Variants in EEPD1 observed in about 807,000 individuals in gnomAD.
EEPD1 encodes the protein endonuclease/exonuclease/phosphatase family domain containing 1.
Under a neutral mutation model 46.3 loss-of-function variants are expected in EEPD1, and 17 were observed. That is an observed-to-expected ratio of 0.37 (90% confidence interval 0.25 to 0.55). The LOEUF (loss-of-function observed/expected upper bound fraction) is 0.55, where lower values mean the gene tolerates loss of function less well. Ranked by LOEUF, EEPD1 falls within the 20% of genes least tolerant of loss-of-function variation. The pLI, the probability that EEPD1 is intolerant of heterozygous loss-of-function variation, is 0.83. For synonymous variants in EEPD1, 313 were observed against 315.6 expected (o/e 0.99, Z 0.09); for missense variants, 673 against 745.6 (o/e 0.90, Z 1.13).
intron 2 of EEPD1, among the ~76,000 whole-genome samples, chr7:36,201,976 C>A (rs896003289): frequency 6.6e-6 from 1 of 152,234 alleles, no homozygotes; most frequent in Non-Finnish European, 1.5e-5. Flanking sequence ...GGACCAGCAG[C>A]ATCAGCATCA....
chr7:36,194,575 G>A (rs774401293), intron 2 of EEPD1, among the ~76,000 whole-genome samples: 30 of 152,030 alleles, frequency 2.0e-4, no homozygotes, highest in Non-Finnish European at 2.5e-4. Flanking sequence ...AATCCCCCTA[G>A]AACTTGTGAA....
chr7:36,224,997 G>A (rs910078521), intron 2 of EEPD1, among the ~76,000 whole-genome samples: 1 of 151,998 alleles, frequency 6.6e-6, no homozygotes, highest in Non-Finnish European at 1.5e-5. Context: ...TGACCATGGC[G>A]ACAGACTGGA....
intron 2 of EEPD1, among the ~76,000 whole-genome samples, chr7:36,155,893 C>T (rs1355840891): frequency 6.6e-6 from 1 of 152,202 alleles, no homozygotes; most frequent in Non-Finnish European, 1.5e-5. Flanking sequence ...GCCGTTACCA[C>T]AGAGCGTTTA....
intron 2 of EEPD1, among the ~76,000 whole-genome samples, chr7:36,222,346 C>T (rs1027025776): frequency 1.3e-5 from 2 of 152,124 alleles, no homozygotes; most frequent in African/African-American, 4.8e-5. Flanking sequence ...TCATAAAGGT[C>T]TTCATCTTTA....
chr7:36,210,977 A>C (rs1861313), intron 2 of EEPD1, among the ~76,000 whole-genome samples: 1 of 152,312 alleles, frequency 6.6e-6, no homozygotes, highest in African/African-American at 2.4e-5. Flanking sequence ...CTGTGTGCCC[A>C]TCTAGGCATC....
At chr7:36,161,897 CAAAAAA>C (rs10570788) in intron 2 of EEPD1, among the ~76,000 whole-genome samples, 1 of 127,126 alleles carries the variant, frequency 7.9e-6, no homozygotes, top group African/African-American at 2.8e-5. Context: ...CTGTCTCTCT[CAAAAAA>C]AAAAAAAAAA....
chr7:36,256,915 T>C (rs196555), intron 3 of EEPD1, among the ~76,000 whole-genome samples: 131,436 of 152,170 alleles, frequency 0.86, 56,913 homozygotes, highest in Middle Eastern at 0.91. Flanking sequence ...TTCTTCATGT[T>C]GATGGTCTTT....
At chr7:36,255,863 G>C (rs1203090307) in intron 3 of EEPD1, among the ~76,000 whole-genome samples, 1 of 151,828 alleles carries the variant, frequency 6.6e-6, no homozygotes, top group East Asian at 1.9e-4. Flanking sequence ...CTTGTCTTCT[G>C]CTAGCTTTTG....
At chr7:36,155,358 A>G (rs1454542737) in intron 2 of EEPD1, among the ~76,000 whole-genome samples, 156 bp downstream of exon 2, 4 of 152,180 alleles carry the variant, frequency 2.6e-5, no homozygotes, top group Admixed American at 2.6e-4. Flanking sequence ...TCACCTGAGA[A>G]TGGGCTGTCC....
At chr7:36,205,593 G>A (rs6462664) in intron 2 of EEPD1, among the ~76,000 whole-genome samples, 91,456 of 152,090 alleles carry the variant, frequency 0.6, 28,072 homozygotes, top group East Asian at 0.87. Flanking sequence ...GCTGCATCTG[G>A]AGGGGTAAAA....
chr7:36,247,122 CA>C (rs35947069), intron 3 of EEPD1, among the ~76,000 whole-genome samples: 75,981 of 106,958 alleles, frequency 0.71, 24,568 homozygotes, highest in Middle Eastern at 0.79. Context: ...GACTCCATCT[CA>C]AAAAAAAAAA....
chr7:36,183,317 C>G (rs192282113), intron 2 of EEPD1, among the ~76,000 whole-genome samples: 1 of 152,200 alleles, frequency 6.6e-6, no homozygotes, highest in Non-Finnish European at 1.5e-5. Context: ...AATAAGGACC[C>G]GGTCAGTCTG....
At chr7:36,256,390 C>T (rs1168616320) in intron 3 of EEPD1, among the ~76,000 whole-genome samples, 1 of 152,138 alleles carries the variant, frequency 6.6e-6, no homozygotes, top group Non-Finnish European at 1.5e-5. Flanking sequence ...AATTTTCTGT[C>T]TTGTTGATCT....
intron 2 of EEPD1, among the ~76,000 whole-genome samples, chr7:36,183,456 C>G (rs1324396185): frequency 2.0e-5 from 3 of 152,130 alleles, no homozygotes; most frequent in Non-Finnish European, 2.9e-5. Context: ...ACAGGAAACC[C>G]CAAAGCTGCT....
In EEPD1 at chr7:36,289,321, G is replaced by C. The variant is rs115077177; in HGVS notation, c.1315+1544G>C. Among the ~76,000 whole-genome samples, 531 of 152,174 alleles carry C rather than the reference G, an allele frequency of 3.5e-3. 2 individuals carry two copies. Among genetic ancestry groups the C allele is most frequent in the African/African-American group, 0.012 (490 of 41,494 alleles). ...AACTGAAGCTCGGTACCCATTCAAC[G>C]ATATCTCCCCATGCGCCCCTCCCTG... On this transcript the variant is annotated intron_variant, in intron 6 of 7. Coordinates refer to ENST00000242108, the MANE Select transcript of EEPD1 (RefSeq NM_030636.3).
chr7:36,271,449 A>G (rs1378737555), intron 3 of EEPD1, among the ~76,000 whole-genome samples: 6 of 151,768 alleles, frequency 4.0e-5, no homozygotes, highest in Non-Finnish European at 8.8e-5. Context: ...CCACTTTTTG[A>G]TGGGGTTGTT....
chr7:36,196,298 A>AG (rs1785582505), intron 2 of EEPD1, among the ~76,000 whole-genome samples: 1 of 149,540 alleles, frequency 6.7e-6, no homozygotes. Context: ...GCTACACTAA[A>AG]TTTTTTTTTT....
rs144717575 is a variant in EEPD1 at position 36,153,918 on chromosome 7, C to T, written c.-192-215C>T. Among the ~76,000 whole-genome samples, 146 of 152,214 alleles carry T rather than the reference C, an allele frequency of 9.6e-4. 4 individuals are homozygous for T. The East Asian group carries it at 0.027, about 28-fold the overall frequency. On this transcript the variant is annotated intron_variant, in intron 1 of 7. Coordinates refer to ENST00000242108, the MANE Select transcript of EEPD1 (RefSeq NM_030636.3). ...GGGATAGGTCTCTTCCCAAGAGAAG[C>T]GGCTCGTAGCCTTTTTGGACTCCAG...
chr7:36,165,099 G>A (rs1784961120), intron 2 of EEPD1, among the ~76,000 whole-genome samples: 1 of 152,164 alleles, frequency 6.6e-6, no homozygotes. Context: ...TAAATCTACA[G>A]TAGTGTACAG....
Sources: allele counts gnomAD v4.1 joint callset (sites outside exome capture counted in the v4.1 genomes callset), GRCh38; gene constraint gnomAD v4.1.1; transcripts MANE v1.5; gene names NCBI Gene and HGNC (gene_info 2026-07-23, HGNC 2026-07-21).